RNF145: variants seen among roughly 807,000 people sequenced by gnomAD.
RNF145 encodes ring finger protein 145.
Under a neutral mutation model 57.3 loss-of-function variants are expected in RNF145, and 12 were observed. The observed-to-expected ratio is 0.21, with a 90% CI of 0.13 to 0.34. The LOEUF (loss-of-function observed/expected upper bound fraction) is 0.34. RNF145 is among the 10% of genes least tolerant of loss of function. RNF145 has a pLI of 1.00. For synonymous variants in RNF145, 262 were observed against 288.3 expected, an observed-to-expected ratio of 0.91 and a Z score of 0.92; for missense variants, 429 against 799.0, an observed-to-expected ratio of 0.54 and a Z score of 5.58.
At chr5:159,190,517 T>C (rs10057691) in intron 3 of RNF145, among the ~76,000 whole-genome samples, 2 of 151,448 alleles carry the variant, frequency 1.3e-5, no homozygotes, top group Non-Finnish European at 2.9e-5. Context: ...AAGAAACCCA[T>C]CTCTACAAAA....
intron 8 of RNF145, among the ~76,000 whole-genome samples, chr5:159,166,206 T>C (rs1198991637): frequency 6.6e-6 from 1 of 152,202 alleles, no homozygotes; most frequent in Non-Finnish European, 1.5e-5. Flanking sequence ...CTCTTCATGT[T>C]TGCATTTTTC....
intron 7 of RNF145, 41 bp downstream of exon 7, chr5:159,169,638 T>C (rs925818464): frequency 2.1e-6 from 3 of 1,434,582 alleles, no homozygotes; most frequent in African/African-American, 1.5e-5. Flanking sequence ...AAGTTATCTA[T>C]AGTATTTACA....
At position 159,158,514 on chromosome 5, in the gene RNF145, G is replaced by A. The variant is rs1784111754; in HGVS notation, c.*156C>T. Reference sequence around the variant, plus strand: ...CCCACAATGTCAGGGGATGAAAGCAGGTGGTCCCCACTGAGAGTACTTCCT... The same window carrying A: ...CCCACAATGTCAGGGGATGAAAGCAAGTGGTCCCCACTGAGAGTACTTCCT... On this transcript the variant is annotated 3_prime_UTR_variant, in exon 11 of 11. Coordinates refer to ENST00000424310, the MANE Select transcript of RNF145 (RefSeq NM_001199383.2). The A allele has an allele frequency of 2.3e-6, 2 of 884,866 alleles. No individual in the cohort carries two copies. Among genetic ancestry groups the A allele is most frequent in the East Asian group, 2.5e-5 (1 of 40,572 alleles). The allele number at this position is 884,866 out of a possible 1,614,324, so 54.8% of individuals were successfully genotyped here. A position where few individuals can be genotyped will look rare whatever the true frequency, so the allele number is the denominator to read the frequency against.
At chr5:159,169,100 C>T (rs1784470113) in intron 7 of RNF145, 45 bp from the exon 8 acceptor site, 2 of 1,376,866 alleles carry the variant, frequency 1.5e-6, no homozygotes, top group Admixed American at 2.6e-5. Flanking sequence ...TAATCTGAAT[C>T]TCATTTAATT....
chr5:159,159,262 G>C (rs1364915326), intron 10 of RNF145, among the ~76,000 whole-genome samples: 1 of 152,084 alleles, frequency 6.6e-6, no homozygotes, highest in Non-Finnish European at 1.5e-5. Flanking sequence ...TAAAAGTGAA[G>C]GAAAAACCAA....
At chr5:159,191,397 T>C (rs983949954) in intron 3 of RNF145, among the ~76,000 whole-genome samples, 1 of 152,172 alleles carries the variant, frequency 6.6e-6, no homozygotes, top group Non-Finnish European at 1.5e-5. Flanking sequence ...CTACTTCCTT[T>C]TTTTCATCTG....
intron 2 of RNF145, among the ~76,000 whole-genome samples, chr5:159,195,062 C>G (rs868052369): frequency 7.2e-5 from 11 of 152,166 alleles, no homozygotes; most frequent in African/African-American, 2.7e-4. Flanking sequence ...TCAAATATAT[C>G]ACACAAATGT....
In RNF145 at chr5:159,196,940, G is replaced by C. The variant is rs113207112; in HGVS notation, c.185-2116C>G. Among the ~76,000 whole-genome samples the C allele has an allele frequency of 2.7e-3, 418 of 152,200 alleles. 2 individuals carry two copies. Among genetic ancestry groups the C allele is most frequent in the African/African-American group, 9.5e-3 (394 of 41,534 alleles). On this transcript the variant is annotated intron_variant, in intron 2 of 10. Transcript: ENST00000424310. ...ATAAAATCAGCGGCCAAATCTTCTA[G>C]ATCAAACATATTCATTTCATCCATT...
At chr5:159,204,803 CAAAAAAAAAAA>C (rs1163143098) in intron 1 of RNF145, among the ~76,000 whole-genome samples, 226 of 47,058 alleles carry the variant, frequency 4.8e-3, no homozygotes, top group African/African-American at 0.015. Context: ...GACTCCGTCT[CAAAAAAAAAAA>C]AAAAAAAAAA....
intron 2 of RNF145, among the ~76,000 whole-genome samples, chr5:159,200,302 C>T (rs1189041412): frequency 6.6e-6 from 1 of 151,790 alleles, no homozygotes; most frequent in African/African-American, 2.4e-5. Context: ...AAGGGACTAA[C>T]CCTGTTAGAC....
intron 5 of RNF145, 42 bp downstream of exon 5, chr5:159,176,590 G>A (rs767689657): frequency 9.1e-7 from 1 of 1,096,706 alleles, no homozygotes; most frequent in Non-Finnish European, 1.4e-6. Context: ...TAACATTTAT[G>A]TAGAATTTTA....
chr5:159,203,774 A>G, intron 1 of RNF145, 118 bp from the exon 2 acceptor site: 1 of 638,156 alleles, frequency 1.6e-6, no homozygotes, highest in Non-Finnish European at 2.7e-6. Context: ...GAGAACGTAT[A>G]CTACTTCTCA....
intron 3 of RNF145, among the ~76,000 whole-genome samples, chr5:159,190,756 A>G (rs1785262876): frequency 2.0e-5 from 3 of 151,980 alleles, no homozygotes; most frequent in South Asian, 2.1e-4. Context: ...TTTTAAAACT[A>G]AAACCTTCAA....
At chr5:159,192,149 C>A (rs532657851) in intron 3 of RNF145, among the ~76,000 whole-genome samples, 2 of 151,798 alleles carry the variant, frequency 1.3e-5, no homozygotes, top group Non-Finnish European at 2.9e-5. Flanking sequence ...ATAGCATTTG[C>A]ATTGTATTAG....
chr5:159,209,651 C>T (rs1012734276), upstream of RNF145: 6 of 987,294 alleles, frequency 6.1e-6, no homozygotes, highest in Non-Finnish European at 7.9e-6. Flanking sequence ...CACAATCGCG[C>T]CCGCGGAGTG....
intron 1 of RNF145, among the ~76,000 whole-genome samples, chr5:159,207,178 T>C (rs1397628659): frequency 6.6e-6 from 1 of 152,160 alleles, no homozygotes; most frequent in Non-Finnish European, 1.5e-5. Flanking sequence ...TTCTACACTT[T>C]CCTGAAAATA....
chr5:159,184,373 T>C (rs1784992444), intron 3 of RNF145, among the ~76,000 whole-genome samples: 1 of 152,230 alleles, frequency 6.6e-6, no homozygotes, highest in South Asian at 2.1e-4. Context: ...TGTTGCTTTT[T>C]AACTCAAAAA....
Position 159,209,526 on chromosome 5 carries a change from T to G in RNF145, c.-335A>C. The G allele has an allele frequency of 5.1e-6, 1 of 196,876 alleles. No homozygotes were observed. The highest frequency in any genetic ancestry group is 6.3e-6 in the Non-Finnish European group (1 of 159,670). 12.2% of individuals were successfully genotyped at this position (196,876 alleles called of 1,614,324 possible). On this transcript the variant is annotated 5_prime_UTR_variant, in exon 1 of 11. Transcript: ENST00000424310. The stretch of plus-strand genomic sequence containing the variant: ...GCGTCGGCGGCCATGGCCTCCTGCG[T>G]TTGCTCCTCCCGCCCCCGGCGCTCT...
In RNF145 at chr5:159,196,308, T is replaced by C. The variant is rs1168251159; in HGVS notation, c.185-1484A>G. The stretch of plus-strand genomic sequence containing the variant: ...ATATTTTATGTGTGGCCCAAGACAA[T>C]TATTTTCCTAATGTGGTCCAGGGAA... On this transcript the variant is annotated intron_variant, in intron 2 of 10. Coordinates refer to ENST00000424310, the MANE Select transcript of RNF145 (RefSeq NM_001199383.2). 2.0e-5 allele frequency among the ~76,000 whole-genome samples: 3 copies of C among 151,426 alleles called. No individual in the cohort carries two copies. In the East Asian group the frequency reaches 5.9e-4, roughly 30 times the overall value.
Sources: allele counts gnomAD v4.1 joint callset (sites outside exome capture counted in the v4.1 genomes callset), GRCh38; gene constraint gnomAD v4.1.1; transcripts MANE v1.5; gene names NCBI Gene and HGNC (gene_info 2026-07-23, HGNC 2026-07-21).